The following FYB2 variants were observed in gnomAD, a reference collection of about 807,000 sequenced individuals.
FYB2 encodes the protein FYN-binding protein 2.
Under a neutral mutation model 94.1 loss-of-function variants are expected in FYB2, and 103 were observed. That is an observed-to-expected ratio of 1.09 (90% CI 0.93 to 1.29). The LOEUF (loss-of-function observed/expected upper bound fraction) is 1.29. Among genes scored for constraint, FYB2 ranks in the 50% most tolerant of loss-of-function variants. The probability of loss-of-function intolerance (pLI) is 0.00; values close to 1 mark genes in which losing one functional copy is unlikely to be tolerated. For synonymous variants in FYB2, 293 were observed against 287.9 expected, an observed-to-expected ratio of 1.02 and a Z score of -0.18; for missense variants, 896 against 841.5, an observed-to-expected ratio of 1.06 and a Z score of -0.80.
intron 15 of FYB2, among the ~76,000 whole-genome samples, chr1:56,735,655 A>G (rs1359712115): frequency 1.3e-5 from 2 of 152,032 alleles, no homozygotes; most frequent in Admixed American, 6.6e-5. Context: ...TTCTCATTAT[A>G]GTGAATGAGT....
chr1:56,787,323 T>A, intron 3 of FYB2, 115 bp from the exon 4 acceptor site: 1 of 1,327,324 alleles, frequency 7.5e-7, no homozygotes, highest in Non-Finnish European at 1.1e-6. Context: ...GAAGCTTGCC[T>A]GTGCCTGAAA....
intron 9 of FYB2, among the ~76,000 whole-genome samples, chr1:56,749,644 C>A (rs1645149219): frequency 6.6e-6 from 1 of 151,896 alleles, no homozygotes; most frequent in African/African-American, 2.4e-5. Flanking sequence ...TCTGCAATAT[C>A]TTGTAGGTTG....
intron 8 of FYB2, among the ~76,000 whole-genome samples, chr1:56,751,909 G>T (rs1645207974): frequency 6.6e-6 from 1 of 152,014 alleles, no homozygotes. Flanking sequence ...AGGATGAGGA[G>T]GTTGGTTCTC....
the FYB2 span, among the ~76,000 whole-genome samples, chr1:56,825,342 G>T: frequency 1.3e-5 from 2 of 152,116 alleles, no homozygotes; most frequent in African/African-American, 4.8e-5. Context: ...AGAGAAGAGT[G>T]CTATAAACAA....
chr1:56,793,019 A>G (rs1393025836), intron 1 of FYB2, among the ~76,000 whole-genome samples: 1 of 152,082 alleles, frequency 6.6e-6, no homozygotes, highest in East Asian at 1.9e-4. Context: ...CAATGAAAAC[A>G]CTATCTCTTT....
intron 9 of FYB2, 31 bp from the exon 10 acceptor site, chr1:56,744,297 T>G: frequency 6.7e-7 from 1 of 1,493,924 alleles, no homozygotes; most frequent in Non-Finnish European, 9.3e-7. Context: ...CTGAAAAACA[T>G]CACATCAGCT....
chr1:56,734,046 C>T (rs1644773168), intron 15 of FYB2, among the ~76,000 whole-genome samples: 1 of 152,064 alleles, frequency 6.6e-6, no homozygotes, highest in Non-Finnish European at 1.5e-5. Flanking sequence ...GTGTGGGAGT[C>T]TAAGTCTCTT....
intron 9 of FYB2, among the ~76,000 whole-genome samples, chr1:56,746,965 T>C (rs1645081373): frequency 6.6e-6 from 1 of 152,020 alleles, no homozygotes; most frequent in African/African-American, 2.4e-5. Flanking sequence ...ATATTTTTAG[T>C]CTTTTTTATT....
intron 4 of FYB2, among the ~76,000 whole-genome samples, chr1:56,777,870 C>T (rs1645918317): frequency 6.6e-6 from 1 of 152,178 alleles, no homozygotes; most frequent in African/African-American, 2.4e-5. Context: ...ATTCTCCACA[C>T]AGCAGCCAAG....
At chr1:56,777,267 A>AAAAAAAAAAAAAT in intron 4 of FYB2, among the ~76,000 whole-genome samples, 1 of 8,042 alleles carries the variant, frequency 1.2e-4, no homozygotes, top group Non-Finnish European at 1.8e-4. Context: ...AAAAAAAAAA[A>AAAAAAAAAAAAAT]AAAAAAAGAA....
At chr1:56,734,275 C>T (rs1322278989) in intron 15 of FYB2, among the ~76,000 whole-genome samples, 1 of 151,862 alleles carries the variant, frequency 6.6e-6, no homozygotes, top group African/African-American at 2.4e-5. Flanking sequence ...GTAGATCTTC[C>T]TCCATCCCTT....
chr1:56,821,795 C>T (rs1438770935), upstream of FYB2, among the ~76,000 whole-genome samples: 1 of 152,126 alleles, frequency 6.6e-6, no homozygotes, highest in Non-Finnish European at 1.5e-5. Flanking sequence ...AGTGGCAGAT[C>T]CTTGTATTCA....
At chr1:56,742,029 TA>T in intron 12 of FYB2, 131 bp downstream of exon 12, 1 of 686,462 alleles carries the variant, frequency 1.5e-6, no homozygotes, top group Non-Finnish European at 2.5e-6. Flanking sequence ...GAATCTTTCC[TA>T]AAAGATGATG....
chr1:56,787,139 G>T, intron 4 of FYB2, 36 bp downstream of exon 4: 1 of 1,612,304 alleles, frequency 6.2e-7, no homozygotes, highest in Non-Finnish European at 8.5e-7. Flanking sequence ...TCTGTGGTGG[G>T]CTACGTTCCT....
chr1:56,810,569 A>C (rs1354079058), intron 1 of FYB2, among the ~76,000 whole-genome samples: 1 of 152,188 alleles, frequency 6.6e-6, no homozygotes, highest in African/African-American at 2.4e-5. Context: ...AAAGATATCA[A>C]AGAGAATTTT....
At chr1:56,785,330 G>C (rs1646108882) in intron 4 of FYB2, among the ~76,000 whole-genome samples, 1 of 152,220 alleles carries the variant, frequency 6.6e-6, no homozygotes, top group Non-Finnish European at 1.5e-5. Context: ...AAAGAACAAA[G>C]AGCAAGTGAG....
At chr1:56,765,993 G>A (rs1431222339) in intron 5 of FYB2, among the ~76,000 whole-genome samples, 1 of 152,138 alleles carries the variant, frequency 6.6e-6, no homozygotes, top group Non-Finnish European at 1.5e-5. Context: ...AGAGAGAGAA[G>A]GAGCAGGCTC....
chr1:56,752,965 T>C (rs564805104), intron 8 of FYB2, among the ~76,000 whole-genome samples: 1 of 152,236 alleles, frequency 6.6e-6, no homozygotes, highest in South Asian at 2.1e-4. Flanking sequence ...CCCCTGGCTC[T>C]GGACCTTGTC....
At position 56,792,115 on chromosome 1, in the gene FYB2, C is replaced by T. The variant is rs1168517723; in HGVS notation, c.698G>A (p.Ser233Asn). The change falls in exon 2 of 20, where the codon AGC becomes AAC. Residue 233 changes from serine to asparagine, a missense_variant. Transcript: ENST00000343433. ...KSWENPPPER[S>N]PASSPCQPIY... ...GGGCTGGCAGGGGCTGCTTGCCGGG[C>T]TCCTCTCAGGAGGTGGGTTTTCCCA... 3.1e-6 allele frequency: 5 copies of T among 1,611,660 alleles called. No individual in the cohort carries two copies. In the South Asian group the frequency reaches 5.5e-5, roughly 18 times the overall value.
Sources: allele counts gnomAD v4.1 joint callset (sites outside exome capture counted in the v4.1 genomes callset), GRCh38; gene constraint gnomAD v4.1.1; transcripts MANE v1.5; gene names NCBI Gene and HGNC (gene_info 2026-07-23, HGNC 2026-07-21).